Variants in TIAM2 observed in about 807,000 individuals in gnomAD.
The protein encoded by TIAM2 is rho guanine nucleotide exchange factor TIAM2.
Under a neutral mutation model 152.9 loss-of-function variants are expected in TIAM2, and 80 were observed. The observed-to-expected ratio is 0.52, with a 90% CI of 0.44 to 0.63. TIAM2 has a LOEUF of 0.63. Among genes scored for constraint, TIAM2 ranks in the 30% least tolerant of loss-of-function variants. TIAM2 has a pLI of 0.00. For synonymous variants in TIAM2, 804 were observed against 838.0 expected, an observed-to-expected ratio of 0.96 and a Z score of 0.70; for missense variants, 1,965 against 2,120.1, an observed-to-expected ratio of 0.93 and a Z score of 1.44.
At chr6:155,048,894 G>A (rs150538118) in intron 1 of TIAM2, among the ~76,000 whole-genome samples, 5,013 of 151,592 alleles carry the variant, frequency 0.033, 286 homozygotes, top group African/African-American at 0.11. Flanking sequence ...TTTGCCTCCT[G>A]GGTTCAAGCA....
intron 1 of TIAM2, among the ~76,000 whole-genome samples, chr6:155,028,413 C>CAT (rs1200169367): frequency 4.3e-5 from 5 of 115,870 alleles, no homozygotes; most frequent in Admixed American, 9.5e-5. Flanking sequence ...TACTGTGTTA[C>CAT]ATATACTACA....
In TIAM2 at chr6:155,244,037, C is replaced by T; in HGVS notation, c.3375C>T (p.Tyr1125=). ...ATTTGAGCTGCCTCTTTGAATTATA[C>T]TTGGAGCCACTTCAGAATGAGACCT... The part of the protein sequence containing the change: ...VKDLSCLFEL[Y]LEPLQNETFL... Residue 1125 remains tyrosine, a synonymous_variant, in exon 17 of 27, where the codon TAC becomes TAT. Transcript: ENST00000682666. 6.2e-7 allele frequency: 1 copy of T among 1,614,062 alleles called. No individual in the cohort carries two copies. Among genetic ancestry groups the T allele is most frequent in the Non-Finnish European group, 8.5e-7 (1 of 1,180,010 alleles).
intron 2 of TIAM2, among the ~76,000 whole-genome samples, chr6:155,105,122 A>C (rs992213573): frequency 6.6e-6 from 1 of 151,580 alleles, no homozygotes; most frequent in Non-Finnish European, 1.5e-5. Flanking sequence ...ACACCTGGCT[A>C]ATTTTTTGTA....
At chr6:155,239,181 G>A (rs1470276317) in intron 15 of TIAM2, among the ~76,000 whole-genome samples, 3 of 152,242 alleles carry the variant, frequency 2.0e-5, no homozygotes, top group Non-Finnish European at 2.9e-5. Flanking sequence ...ACCCAAGACA[G>A]AGATGGATAG....
chr6:155,124,854 A>C (rs555383182), intron 2 of TIAM2, among the ~76,000 whole-genome samples: 1 of 149,470 alleles, frequency 6.7e-6, no homozygotes, highest in South Asian at 2.1e-4. Flanking sequence ...TGGAAAATCT[A>C]TTTGACTTTT....
chr6:155,166,798 T>A (rs984052428), intron 9 of TIAM2, among the ~76,000 whole-genome samples: 1 of 152,246 alleles, frequency 6.6e-6, no homozygotes, highest in Non-Finnish European at 1.5e-5. Context: ...TGTTTTAGGA[T>A]TATTCTGTTT....
At position 155,176,944 on chromosome 6, in the gene TIAM2, C is replaced by A. The variant is rs1780774532; in HGVS notation, c.2490C>A (p.His830Gln). The part of the protein sequence containing the change: ...HGVTVGIKPE[H>Q]RVEDILTLAC... ...TTACTGTAGGGATCAAGCCAGAGCA[C>A]AGAGTAGAAGATATTTTGACTTTGG... The change falls in exon 10 of 27, where the codon CAC becomes CAA. Residue 830 changes from histidine to glutamine, a missense_variant. Physicochemically the swap from His to Gln is conservative, Grantham distance 24. Around this residue, in one of 3 missense-constraint regions of TIAM2, gnomAD observed 1,025 missense variants for 1,119.4 expected, o/e 0.92. Transcript: ENST00000682666. The A allele has an allele frequency of 1.9e-6, 3 of 1,612,964 alleles. No homozygotes were observed. The highest frequency in any genetic ancestry group is 1.1e-5 in the South Asian group (1 of 90,874).
intron 1 of TIAM2, among the ~76,000 whole-genome samples, chr6:155,077,437 G>A (rs1253756314): frequency 1.3e-5 from 2 of 152,090 alleles, no homozygotes; most frequent in African/African-American, 2.4e-5. Flanking sequence ...TCCCTTTGAC[G>A]TAAAATTTAC....
chr6:155,073,449 C>T (rs1243682383), intron 1 of TIAM2, among the ~76,000 whole-genome samples: 2 of 152,158 alleles, frequency 1.3e-5, no homozygotes, highest in African/African-American at 4.8e-5. Flanking sequence ...AGGTGTGAGC[C>T]ACCGTGCCTG....
chr6:154,995,788 G>C lies in TIAM2; in HGVS notation c.-209+296G>C, dbSNP rs1051180616. On this transcript the variant is annotated intron_variant, in intron 1 of 26. Coordinates refer to ENST00000682666, the MANE Select transcript of TIAM2 (RefSeq NM_012454.4). The surrounding 1 kb of genome is among the most constrained non-coding windows in gnomAD (Gnocchi z 5.2). Reference sequence around the variant, plus strand: ...GTCCCCTGGTCCCCTCGCGCTGCGCGACACGCCAGGACCCACTTTCAGCCC... The same window carrying C: ...GTCCCCTGGTCCCCTCGCGCTGCGCCACACGCCAGGACCCACTTTCAGCCC... Among the ~76,000 whole-genome samples the C allele has an allele frequency of 6.6e-6, 1 of 152,174 alleles. No homozygotes were observed. The highest frequency in any genetic ancestry group is 1.5e-5 in the Non-Finnish European group (1 of 68,018).
chr6:155,055,948 A>G (rs1247245042), intron 1 of TIAM2, among the ~76,000 whole-genome samples: 1 of 146,776 alleles, frequency 6.8e-6, no homozygotes, highest in Non-Finnish European at 1.5e-5. Flanking sequence ...GGTGACAGAA[A>G]GAGAAACCCT....
At position 155,257,432 on chromosome 6, in the gene TIAM2, T is replaced by C. The variant is rs565062848; in HGVS notation, c.*311T>C. The C allele has an allele frequency of 1.6e-4, 56 of 355,876 alleles. No homozygotes were observed. In the East Asian group the frequency reaches 3.2e-3, roughly 20 times the overall value. 22.0% of individuals were successfully genotyped at this position (355,876 alleles called of 1,614,324 possible). A position where few individuals can be genotyped will look rare whatever the true frequency, so the allele number is the denominator to read the frequency against. Reference sequence around the variant, plus strand: ...TGTGGAAAAAGTAAGGCTGGGGAAGTCGTGATTAATAGTTTTCAAAGGGCC... The same window carrying C: ...TGTGGAAAAAGTAAGGCTGGGGAAGCCGTGATTAATAGTTTTCAAAGGGCC... On this transcript the variant is annotated 3_prime_UTR_variant, in exon 27 of 27. Transcript: ENST00000682666.
At chr6:155,053,393 G>T (rs962271478) in intron 1 of TIAM2, among the ~76,000 whole-genome samples, 4 of 151,188 alleles carry the variant, frequency 2.6e-5, no homozygotes, top group African/African-American at 9.7e-5. Flanking sequence ...GATCTCATGC[G>T]ATCCTCCTGC....
intron 1 of TIAM2, among the ~76,000 whole-genome samples, chr6:155,034,040 C>T (rs567582985): frequency 6.5e-4 from 57 of 87,036 alleles, no homozygotes; most frequent in African/African-American, 1.8e-3. Context: ...TTCTCTGTTG[C>T]TTACCTTTTT....
At chr6:155,246,715 G>A (rs1783357832) in intron 19 of TIAM2, among the ~76,000 whole-genome samples, 1 of 152,180 alleles carries the variant, frequency 6.6e-6, no homozygotes, top group South Asian at 2.1e-4. Flanking sequence ...GACAGTCAGT[G>A]CAGTACAGTG....
chr6:155,169,962 G>A (rs1232399288), intron 9 of TIAM2, among the ~76,000 whole-genome samples: 1 of 152,048 alleles, frequency 6.6e-6, no homozygotes, highest in Non-Finnish European at 1.5e-5. Flanking sequence ...GGGATTACAG[G>A]CACCTGCCAC....
chr6:155,036,693 C>G lies in TIAM2; in HGVS notation c.-209+41201C>G, dbSNP rs186475074. ...AGTGCAATGGCATGATCTCGGCTCA[C>G]TGCAACCTCCGCCTCCCAGGTTCAA... On this transcript the variant is annotated intron_variant, in intron 1 of 26. Coordinates refer to ENST00000682666, the MANE Select transcript of TIAM2 (RefSeq NM_012454.4). Among the ~76,000 whole-genome samples the G allele has an allele frequency of 3.0e-3, 460 of 151,832 alleles. 3 individuals are homozygous for G. Among genetic ancestry groups the G allele is most frequent in the African/African-American group, 0.011 (436 of 41,436 alleles).
Position 155,245,677 on chromosome 6 carries a change from C to T in TIAM2, c.3598C>T (p.Leu1200=). 1 of 1,613,724 alleles carries T rather than the reference C, an allele frequency of 6.2e-7. No homozygotes were observed. Among genetic ancestry groups the T allele is most frequent in the Non-Finnish European group, 8.5e-7 (1 of 1,179,948 alleles). The part of the protein sequence containing the change: ...SFLYYADHFK[L]YSGFCANHIK... ...CCTTTATTACGCGGACCACTTTAAA[C>T]TGTACAGTGGATTCTGTGCTAACCA... is the stretch of plus-strand genomic sequence containing the variant. The change falls in exon 19 of 27, where the codon CTG becomes TTG. Residue 1200 remains leucine (L), a synonymous_variant. Transcript: ENST00000682666.
At chr6:155,146,731 A>G (rs1286343675) in intron 6 of TIAM2, among the ~76,000 whole-genome samples, 1 of 149,842 alleles carries the variant, frequency 6.7e-6, no homozygotes, top group Non-Finnish European at 1.5e-5. Flanking sequence ...CTTCCTAAGT[A>G]GCTGGGATTA....
Sources: allele counts gnomAD v4.1 joint callset (sites outside exome capture counted in the v4.1 genomes callset), GRCh38; gene constraint gnomAD v4.1.1; regional missense constraint gnomAD v4.1.1; non-coding constraint Gnocchi (gnomAD v3.1); transcripts MANE v1.5; gene names NCBI Gene and HGNC (gene_info 2026-07-23, HGNC 2026-07-21).